The following ARHGAP44 variants were observed in gnomAD, a reference collection of about 807,000 sequenced individuals.
ARHGAP44 encodes Rho GTPase activating protein 44.
ARHGAP44 carries 43 observed loss-of-function variants against 106.8 expected under a neutral mutation model. That is an observed-to-expected ratio of 0.40 (90% CI 0.32 to 0.52). ARHGAP44 has a LOEUF of 0.52. ARHGAP44 is among the 20% of genes least tolerant of loss of function. The pLI is 0.48. For synonymous variants in ARHGAP44, 439 were observed against 410.3 expected, an observed-to-expected ratio of 1.07 and a Z score of -0.85; for missense variants, 866 against 1,050.5, an observed-to-expected ratio of 0.82 and a Z score of 2.43.
chr17:12,836,744 G>A (rs1397618857), intron 1 of ARHGAP44, among the ~76,000 whole-genome samples: 2 of 152,132 alleles, frequency 1.3e-5, no homozygotes, highest in African/African-American at 4.8e-5. Flanking sequence ...ATGTGTCTAC[G>A]CACCTGAGAA....
At position 12,896,520 on chromosome 17, in the gene ARHGAP44, C is replaced by T; in HGVS notation, c.198+9C>T. 6.3e-7 allele frequency: 1 copy of T among 1,583,048 alleles called. No individual in the cohort carries two copies. Among genetic ancestry groups the T allele is most frequent in the South Asian group, 1.2e-5 (1 of 86,318 alleles). On this transcript the variant is annotated intron_variant, in intron 3 of 20. Coordinates refer to ENST00000379672, the MANE Select transcript of ARHGAP44 (RefSeq NM_014859.6). ...AGGCTGACAAGCGCTCCGTAAGTGC[C>T]CTCCCAGCCCTGGGGAGCTGAAATC...
At chr17:12,918,031 A>G (rs1288513579) in intron 5 of ARHGAP44, among the ~76,000 whole-genome samples, 1 of 152,086 alleles carries the variant, frequency 6.6e-6, no homozygotes, top group Non-Finnish European at 1.5e-5. Flanking sequence ...GTTCTTTGGG[A>G]TTGACCAGCT....
chr17:12,879,786 A>C (rs533602565), intron 1 of ARHGAP44, among the ~76,000 whole-genome samples: 4 of 151,554 alleles, frequency 2.6e-5, no homozygotes, highest in Non-Finnish European at 4.4e-5. Flanking sequence ...CCCCCATGCA[A>C]TTGAAAATTT....
At chr17:12,853,207 G>C (rs535402578) in intron 1 of ARHGAP44, among the ~76,000 whole-genome samples, 1 of 152,208 alleles carries the variant, frequency 6.6e-6, no homozygotes. Context: ...TGAAGAACTT[G>C]GAGTCTGATG....
At chr17:12,968,167 C>T (rs1290493309) in intron 16 of ARHGAP44, among the ~76,000 whole-genome samples, 2 of 152,204 alleles carry the variant, frequency 1.3e-5, no homozygotes, top group Non-Finnish European at 2.9e-5. Context: ...TGGCGGGGCC[C>T]ACTTTCCCAC....
At chr17:12,807,452 C>T (rs935292818) in intron 1 of ARHGAP44, among the ~76,000 whole-genome samples, 8 of 152,214 alleles carry the variant, frequency 5.3e-5, no homozygotes, top group African/African-American at 1.9e-4. Flanking sequence ...AATTGACTCA[C>T]AGTTCCACAT....
chr17:12,974,904 C>G (rs552479809), intron 18 of ARHGAP44, among the ~76,000 whole-genome samples: 53 of 104,838 alleles, frequency 5.1e-4, no homozygotes, highest in Non-Finnish European at 8.3e-4. Context: ...GGCTGGAGTG[C>G]AGAGGCGCGA....
At chr17:12,874,293 C>A (rs2036490421) in intron 1 of ARHGAP44, among the ~76,000 whole-genome samples, 1 of 152,166 alleles carries the variant, frequency 6.6e-6, no homozygotes. Context: ...CACATGGGTC[C>A]CCCTAGTTTC....
chr17:12,853,960 G>A (rs554097344), intron 1 of ARHGAP44, among the ~76,000 whole-genome samples: 4 of 152,156 alleles, frequency 2.6e-5, no homozygotes, highest in Non-Finnish European at 4.4e-5. Flanking sequence ...TTCTGTTCCC[G>A]CAGACCTGAT....
At chr17:12,922,046 A>G (rs1279667434) in intron 6 of ARHGAP44, among the ~76,000 whole-genome samples, 1 of 152,226 alleles carries the variant, frequency 6.6e-6, no homozygotes, top group East Asian at 1.9e-4. Flanking sequence ...AAGAGAGTTG[A>G]TTACTTTTTC....
chr17:12,817,658 A>C (rs2034635949), intron 1 of ARHGAP44, among the ~76,000 whole-genome samples: 1 of 152,098 alleles, frequency 6.6e-6, no homozygotes, highest in Non-Finnish European at 1.5e-5. Context: ...GTGAAAACAC[A>C]AATTACTAAT....
chr17:12,830,673 G>C (rs1464658356), intron 1 of ARHGAP44, among the ~76,000 whole-genome samples: 2 of 152,128 alleles, frequency 1.3e-5, no homozygotes, highest in Non-Finnish European at 2.9e-5. Flanking sequence ...TAAAATGAGG[G>C]AATCAGATTA....
intron 10 of ARHGAP44, among the ~76,000 whole-genome samples, chr17:12,947,462 C>T (rs1458504246): frequency 6.6e-6 from 1 of 152,142 alleles, no homozygotes; most frequent in Non-Finnish European, 1.5e-5. Context: ...GCACCATGGT[C>T]CCCACCCTGC....
intron 1 of ARHGAP44, among the ~76,000 whole-genome samples, chr17:12,792,991 G>C (rs1450543913): frequency 6.6e-6 from 1 of 152,098 alleles, no homozygotes; most frequent in Non-Finnish European, 1.5e-5. Flanking sequence ...TCCCCTTTCT[G>C]TCCCTTCACT....
At chr17:12,823,498 G>C (rs1341889110) in intron 1 of ARHGAP44, among the ~76,000 whole-genome samples, 1 of 152,104 alleles carries the variant, frequency 6.6e-6, no homozygotes, top group Non-Finnish European at 1.5e-5. Flanking sequence ...AAGAAGTTAA[G>C]ACTCACTATT....
Position 12,949,504 on chromosome 17 carries a change from A to AT in ARHGAP44, c.974-142dup. 2 of 781,672 alleles carry AT rather than the reference A, an allele frequency of 2.6e-6. No homozygotes were observed. Among genetic ancestry groups the AT allele is most frequent in the Non-Finnish European group, 4.1e-6 (2 of 487,840 alleles). The allele number at this position is 781,672 out of a possible 1,614,324, so 48.4% of individuals were successfully genotyped here. On this transcript the variant is annotated intron_variant, in intron 11 of 20. Coordinates refer to ENST00000379672, the MANE Select transcript of ARHGAP44 (RefSeq NM_014859.6). This position sits in a 1 kb window ranked among gnomAD's most constrained non-coding sequence, Gnocchi z 4.1. ...GGTCCCCTGTCAGAGCCTCATACCC[A>AT]TTTCCATAGGAAGCTACCATTTGCT...
chr17:12,827,051 A>G (rs760145243), intron 1 of ARHGAP44, among the ~76,000 whole-genome samples: 23 of 152,056 alleles, frequency 1.5e-4, no homozygotes, highest in Non-Finnish European at 2.9e-4. Context: ...TCCTTTTCCT[A>G]CTGGACCTTC....
intron 1 of ARHGAP44, among the ~76,000 whole-genome samples, chr17:12,802,260 A>G (rs1354495438): frequency 6.6e-6 from 1 of 152,064 alleles, no homozygotes; most frequent in Admixed American, 6.6e-5. Context: ...GCAGAAATAG[A>G]CTCTAGCTAA....
intron 1 of ARHGAP44, among the ~76,000 whole-genome samples, chr17:12,825,113 A>G (rs1353507956): frequency 1.3e-5 from 2 of 151,858 alleles, no homozygotes; most frequent in African/African-American, 4.8e-5. Flanking sequence ...ACAGCTCTCT[A>G]TAGCCTTGAC....
Sources: gnomAD v4.1 joint callset for allele counts (sites outside exome capture counted in the v4.1 genomes callset) on GRCh38, gnomAD v4.1.1 for gene constraint, Gnocchi (gnomAD v3.1) non-coding constraint, MANE v1.5 for transcripts, NCBI Gene and HGNC (gene_info 2026-07-23, HGNC 2026-07-21) for gene names.